ULK4: variants seen among roughly 807,000 people sequenced by gnomAD.
The protein encoded by ULK4 is unc-51 like kinase 4, also known as inactive serine/threonine-protein kinase ULK4.
Under a neutral mutation model 160.6 loss-of-function variants are expected in ULK4, and 133 were observed. The observed-to-expected ratio is 0.83, with a 90% CI of 0.72 to 0.96. The LOEUF (loss-of-function observed/expected upper bound fraction) is 0.96. ULK4 is among the 40% of genes least tolerant of loss of function. The pLI is 0.00. For synonymous variants in ULK4, 534 were observed against 539.8 expected, an observed-to-expected ratio of 0.99 and a Z score of 0.15; for missense variants, 1,580 against 1,499.5, an observed-to-expected ratio of 1.05 and a Z score of -0.89.
intron 32 of ULK4, among the ~76,000 whole-genome samples, chr3:41,520,031 G>T (rs917560192): frequency 1.3e-5 from 2 of 152,138 alleles, no homozygotes; most frequent in Non-Finnish European, 2.9e-5. Flanking sequence ...TTCAGCTGGG[G>T]TTCATTTTTA....
chr3:41,860,429 T>C (rs567089933), intron 17 of ULK4, among the ~76,000 whole-genome samples: 42 of 152,312 alleles, frequency 2.8e-4, no homozygotes, highest in African/African-American at 9.9e-4. Flanking sequence ...ATATTTTACA[T>C]TGTTATATCA....
At chr3:41,433,570 A>G (rs369446450) in intron 34 of ULK4, among the ~76,000 whole-genome samples, 64 of 152,286 alleles carry the variant, frequency 4.2e-4, no homozygotes, top group African/African-American at 1.5e-3. Context: ...TACCCCCTCC[A>G]CATACACACA....
intron 31 of ULK4, among the ~76,000 whole-genome samples, chr3:41,599,566 T>TC (rs2031920191): frequency 1.7e-5 from 1 of 59,432 alleles, no homozygotes; most frequent in Non-Finnish European, 3.3e-5. Context: ...TTTCTTTTTC[T>TC]TTTTTTTTTT....
chr3:41,961,687 C>T (rs1436248206), intron 1 of ULK4, among the ~76,000 whole-genome samples: 2 of 152,176 alleles, frequency 1.3e-5, no homozygotes, highest in South Asian at 2.1e-4. Flanking sequence ...GCGGTGAAGA[C>T]GCGGTCCGCT....
chr3:41,378,184 T>C (rs1363041408), intron 35 of ULK4, among the ~76,000 whole-genome samples: 2 of 125,416 alleles, frequency 1.6e-5, no homozygotes, highest in Non-Finnish European at 3.1e-5. Flanking sequence ...TGAGATCACA[T>C]GGACACAGGA....
intron 20 of ULK4, among the ~76,000 whole-genome samples, chr3:41,797,417 C>T (rs1321757157): frequency 6.6e-6 from 1 of 152,102 alleles, no homozygotes; most frequent in Non-Finnish European, 1.5e-5. Context: ...TCAATGGATG[C>T]TATGGAGGTT....
In ULK4 at chr3:41,272,345, T is replaced by C. The variant is rs948649510; in HGVS notation, c.3679-22771A>G. The stretch of plus-strand genomic sequence containing the variant: ...TTTTGTTGCTTTCAATTTTGAAAGT[T>C]TTTTTTTTTTTTTTTTTTTTTTTGC... On this transcript the variant is annotated intron_variant, in intron 35 of 36. Transcript: ENST00000301831. 2.2e-4 allele frequency among the ~76,000 whole-genome samples: 6 copies of C among 27,332 alleles called. No individual in the cohort carries two copies. The African/African-American group carries it at 3.4e-3, about 15-fold the overall frequency. The allele number at this position is 27,332 out of a possible 152,430, so 17.9% of individuals were successfully genotyped here.
chr3:41,803,090 G>A (rs2040515760), intron 19 of ULK4, among the ~76,000 whole-genome samples: 1 of 151,054 alleles, frequency 6.6e-6, no homozygotes, highest in African/African-American at 2.5e-5. Flanking sequence ...GCTTGAACCA[G>A]GACCCAGGAG....
chr3:41,957,647 A>G (rs1235208825), intron 1 of ULK4, among the ~76,000 whole-genome samples: 1 of 151,894 alleles, frequency 6.6e-6, no homozygotes, highest in Non-Finnish European at 1.5e-5. Flanking sequence ...CAGGAGATTG[A>G]GGCTGCAGTG....
chr3:41,302,239 T>G (rs1315052347), intron 35 of ULK4, among the ~76,000 whole-genome samples: 8 of 152,252 alleles, frequency 5.3e-5, no homozygotes, highest in Non-Finnish European at 1.2e-4. Flanking sequence ...ATTACAACAT[T>G]GCCTCTGATA....
rs114244298 is a variant in ULK4 at position 41,515,888 on chromosome 3, C to A, written c.3226+50137G>T. Among the ~76,000 whole-genome samples, 683 of 152,218 alleles carry A rather than the reference C, an allele frequency of 4.5e-3. 4 individuals are homozygous for A. The highest frequency in any genetic ancestry group is 6.4e-3 in the Non-Finnish European group (436 of 68,012). On this transcript the variant is annotated intron_variant, in intron 32 of 36. Transcript: ENST00000301831. Reference sequence around the variant, plus strand: ...ACATTCAAGAACAGGCAAAACTAATCAAGGGTGATAGAAATCAGAAGATTG... The same window carrying A: ...ACATTCAAGAACAGGCAAAACTAATAAAGGGTGATAGAAATCAGAAGATTG...
intron 32 of ULK4, among the ~76,000 whole-genome samples, chr3:41,480,513 C>A (rs1390172448): frequency 6.6e-6 from 1 of 152,106 alleles, no homozygotes; most frequent in East Asian, 1.9e-4. Context: ...CCTCAGTCTA[C>A]TCAATGTGAA....
intron 16 of ULK4, among the ~76,000 whole-genome samples, chr3:41,887,183 T>G (rs1697756080): frequency 6.6e-6 from 1 of 152,186 alleles, no homozygotes; most frequent in African/African-American, 2.4e-5. Context: ...AGGGAGACAG[T>G]ACCCTGGGAT....
intron 35 of ULK4, among the ~76,000 whole-genome samples, chr3:41,359,577 A>G (rs2081100266): frequency 6.6e-6 from 1 of 152,206 alleles, no homozygotes; most frequent in Non-Finnish European, 1.5e-5. Context: ...CTAAGAACTG[A>G]TCATTCACTA....
intron 30 of ULK4, among the ~76,000 whole-genome samples, chr3:41,631,150 C>A (rs772720105): frequency 3.9e-5 from 6 of 152,166 alleles, no homozygotes; most frequent in African/African-American, 1.4e-4. Context: ...TCCTTGCCTG[C>A]AATTCTTGCT....
chr3:41,452,307 G>T (rs1271727909), intron 34 of ULK4, among the ~76,000 whole-genome samples: 1 of 152,114 alleles, frequency 6.6e-6, no homozygotes, highest in Non-Finnish European at 1.5e-5. Context: ...TTTTCATTAG[G>T]GCCTACAGTA....
At chr3:41,669,773 A>G (rs1394824768) in intron 29 of ULK4, among the ~76,000 whole-genome samples, 1 of 150,846 alleles carries the variant, frequency 6.6e-6, no homozygotes, top group African/African-American at 2.5e-5. Flanking sequence ...TAATAATAAT[A>G]TAAGACAGCC....
chr3:41,648,040 C>T (rs919210944), intron 30 of ULK4, among the ~76,000 whole-genome samples: 5 of 152,220 alleles, frequency 3.3e-5, no homozygotes, highest in African/African-American at 1.2e-4. Flanking sequence ...ATTTTTTAAG[C>T]CCGTCGGAAA....
intron 35 of ULK4, among the ~76,000 whole-genome samples, chr3:41,341,043 T>G (rs2080671632): frequency 6.6e-6 from 1 of 152,182 alleles, no homozygotes; most frequent in Non-Finnish European, 1.5e-5. Context: ...GCCATCTTCC[T>G]CAAATATCCA....
Sources: allele counts gnomAD v4.1 joint callset (sites outside exome capture counted in the v4.1 genomes callset), GRCh38; gene constraint gnomAD v4.1.1; transcripts MANE v1.5; gene names NCBI Gene and HGNC (gene_info 2026-07-23, HGNC 2026-07-21).